The following SYT1 variants were observed in gnomAD, a reference collection of about 807,000 sequenced individuals.
SYT1 encodes synaptotagmin-1.
Under a neutral mutation model 44.8 loss-of-function variants are expected in SYT1, and 8 were observed. The observed-to-expected ratio is 0.18, with a 90% CI of 0.10 to 0.32. SYT1 has a LOEUF of 0.32. Among genes scored for constraint, SYT1 ranks in the 10% least tolerant of loss-of-function variants. The probability of loss-of-function intolerance (pLI) is 1.00; values close to 1 mark genes in which losing one functional copy is unlikely to be tolerated. For missense variants in SYT1, 286 were observed against 509.3 expected, an observed-to-expected ratio of 0.56 and a Z score of 4.22; for synonymous variants, 154 against 188.8, an observed-to-expected ratio of 0.82 and a Z score of 1.51.
At chr12:79,346,502 G>A (rs919361723) in intron 8 of SYT1, among the ~76,000 whole-genome samples, 6 of 152,108 alleles carry the variant, frequency 3.9e-5, no homozygotes, top group Non-Finnish European at 8.8e-5. Flanking sequence ...ACATAAAGCT[G>A]AAATTCCTAA....
intron 3 of SYT1, among the ~76,000 whole-genome samples, chr12:79,110,450 G>C (rs1023195341): frequency 1.3e-5 from 2 of 151,882 alleles, no homozygotes; most frequent in Non-Finnish European, 2.9e-5. Flanking sequence ...TTTTTTATTA[G>C]TGGTTGGATT....
intron 8 of SYT1, among the ~76,000 whole-genome samples, chr12:79,299,888 TTTTA>T (rs1271936600): frequency 6.6e-6 from 1 of 152,174 alleles, no homozygotes; most frequent in African/African-American, 2.4e-5. Context: ...CGAAAAATTA[TTTTA>T]TTTCTCATTT....
chr12:78,865,583 A>G (rs972993192), intron 1 of SYT1, among the ~76,000 whole-genome samples: 3 of 151,948 alleles, frequency 2.0e-5, no homozygotes, highest in African/African-American at 7.2e-5. Flanking sequence ...GGGGGAACGT[A>G]AACAAGATAG....
At chr12:79,412,236 C>T (rs1444924936) in intron 9 of SYT1, among the ~76,000 whole-genome samples, 1 of 152,118 alleles carries the variant, frequency 6.6e-6, no homozygotes, top group Non-Finnish European at 1.5e-5. Flanking sequence ...AGTGGCCCGC[C>T]AGTGCTTAGG....
intron 3 of SYT1, among the ~76,000 whole-genome samples, chr12:79,126,136 T>C (rs1868422867): frequency 6.6e-6 from 1 of 152,244 alleles, no homozygotes; most frequent in Non-Finnish European, 1.5e-5. Context: ...AAGTCCTAAT[T>C]ATTAGGTATC....
At chr12:79,329,841 C>T (rs61928804) in intron 8 of SYT1, among the ~76,000 whole-genome samples, 9,165 of 152,260 alleles carry the variant, frequency 0.06, 326 homozygotes, top group African/African-American at 0.1. Context: ...CATATGGAAA[C>T]GGAGAAGATA....
At chr12:79,081,026 C>G (rs190226065) in intron 3 of SYT1, among the ~76,000 whole-genome samples, 1 of 152,180 alleles carries the variant, frequency 6.6e-6, no homozygotes, top group Non-Finnish European at 1.5e-5. Context: ...TGGTATAGAG[C>G]TATATGTTAG....
At chr12:79,402,020 T>C (rs1054333301) in intron 9 of SYT1, among the ~76,000 whole-genome samples, 1 of 152,094 alleles carries the variant, frequency 6.6e-6, no homozygotes, top group African/African-American at 2.4e-5. Flanking sequence ...ATTAAGAAGG[T>C]GGGCTGCCCT....
intron 3 of SYT1, among the ~76,000 whole-genome samples, chr12:79,058,985 C>T (rs776676728): frequency 6.6e-6 from 1 of 151,976 alleles, no homozygotes; most frequent in Non-Finnish European, 1.5e-5. Flanking sequence ...TAAAGACATA[C>T]CCAAGACTGG....
At chr12:79,161,117 G>GGC (rs1219439839) in intron 3 of SYT1, among the ~76,000 whole-genome samples, 1 of 152,090 alleles carries the variant, frequency 6.6e-6, no homozygotes, top group Admixed American at 6.6e-5. Context: ...GGGTGCACCT[G>GGC]TAGTCCCAGG....
intron 4 of SYT1, among the ~76,000 whole-genome samples, chr12:79,234,865 C>T (rs1286684074): frequency 6.6e-6 from 1 of 152,198 alleles, no homozygotes; most frequent in South Asian, 2.1e-4. Context: ...CACATGCCAC[C>T]ATGCCCAGCT....
intron 1 of SYT1, chr12:78,976,738 T>A (rs1319577799): frequency 6.6e-6 from 1 of 152,148 alleles, no homozygotes. Flanking sequence ...AAATTTTTTT[T>A]ATAATTTATT....
chr12:79,209,328 AT>A (rs932442142), intron 3 of SYT1, among the ~76,000 whole-genome samples: 4 of 152,010 alleles, frequency 2.6e-5, no homozygotes, highest in African/African-American at 7.2e-5. Flanking sequence ...ACAGTGGTTC[AT>A]TTTTTTTCCA....
chr12:78,920,252 A>G (rs1309287868), intron 1 of SYT1, among the ~76,000 whole-genome samples: 3 of 152,022 alleles, frequency 2.0e-5, no homozygotes, highest in African/African-American at 7.2e-5. Context: ...AAATAATAAC[A>G]TTTGATAGGA....
At chr12:78,975,082 G>A (rs943173630) in intron 1 of SYT1, among the ~76,000 whole-genome samples, 2 of 151,362 alleles carry the variant, frequency 1.3e-5, no homozygotes, top group Non-Finnish European at 2.9e-5. Context: ...TTGTTCCCAC[G>A]TTGCGCCCAC....
chr12:78,873,220 G>A (rs10735388), intron 1 of SYT1, among the ~76,000 whole-genome samples: 100,184 of 151,364 alleles, frequency 0.66, 33,282 homozygotes, highest in Admixed American at 0.7. Context: ...TTTTTTGTCT[G>A]TTGGAACTTA....
chr12:79,222,782 CT>C (rs1439834513), intron 4 of SYT1, among the ~76,000 whole-genome samples: 1 of 152,036 alleles, frequency 6.6e-6, no homozygotes, highest in Admixed American at 6.6e-5. Flanking sequence ...ATCCCATGAG[CT>C]TTCTTCATTT....
intron 1 of SYT1, among the ~76,000 whole-genome samples, chr12:78,964,748 G>C (rs1472657197): frequency 6.6e-6 from 1 of 152,094 alleles, no homozygotes; most frequent in Non-Finnish European, 1.5e-5. Flanking sequence ...AGCAGTCTTG[G>C]TTGTTTAGAG....
At chr12:79,321,683 C>T (rs995286563) in intron 8 of SYT1, among the ~76,000 whole-genome samples, 1 of 152,164 alleles carries the variant, frequency 6.6e-6, no homozygotes, top group African/African-American at 2.4e-5. Flanking sequence ...GGGTTTGAGT[C>T]TGAGACTAGT....
Sources: gnomAD v4.1 joint callset for allele counts (sites outside exome capture counted in the v4.1 genomes callset) on GRCh38, gnomAD v4.1.1 for gene constraint, MANE v1.5 for transcripts, NCBI Gene and HGNC (gene_info 2026-07-23, HGNC 2026-07-21) for gene names.